FARS2: variants seen among roughly 807,000 people sequenced by gnomAD.
FARS2 encodes phenylalanyl-tRNA synthetase 2, mitochondrial.
A neutral mutation model predicts 46.4 loss-of-function variants in FARS2; 40 were observed. That is an observed-to-expected ratio of 0.86 (90% CI 0.67 to 1.12). The LOEUF (loss-of-function observed/expected upper bound fraction) is 1.12. Among genes scored for constraint, FARS2 ranks in the 50% most tolerant of loss-of-function variants. FARS2 has a pLI of 0.00. For synonymous variants in FARS2, 234 were observed against 214.9 expected (o/e 1.09, Z -0.78); for missense variants, 513 against 567.9 (o/e 0.90, Z 0.98).
At chr6:5,608,311 A>G (rs1442164076) in intron 5 of FARS2, among the ~76,000 whole-genome samples, 2 of 152,166 alleles carry the variant, frequency 1.3e-5, no homozygotes, top group Admixed American at 6.5e-5. Flanking sequence ...ATTTCTATTC[A>G]TTAGGTTCAT....
chr6:5,344,514 T>A (rs760292358), intron 1 of FARS2, among the ~76,000 whole-genome samples: 1 of 152,014 alleles, frequency 6.6e-6, no homozygotes, highest in Non-Finnish European at 1.5e-5. Context: ...TGACCTTGAG[T>A]GGTTTAGGGA....
chr6:5,728,905 T>C (rs1760444744), intron 6 of FARS2, among the ~76,000 whole-genome samples: 2 of 152,154 alleles, frequency 1.3e-5, no homozygotes, highest in Admixed American at 6.5e-5. Flanking sequence ...CTCACCACTG[T>C]CCCTTCACTG....
At chr6:5,510,462 G>A (rs930898560) in intron 4 of FARS2, among the ~76,000 whole-genome samples, 6 of 152,292 alleles carry the variant, frequency 3.9e-5, no homozygotes, top group Non-Finnish European at 7.4e-5. Flanking sequence ...CGTGAGTTCC[G>A]CCGCAGCCTG....
In FARS2 at chr6:5,517,775, A is replaced by G. The variant is rs1210724402; in HGVS notation, c.905-27405A>G. ...TATATAATATTAGGTAAAATGAAAT[A>G]TATTAATAAAATCAACTTTGCCTGT... On this transcript the variant is annotated intron_variant, in intron 4 of 6. Coordinates refer to ENST00000274680, the MANE Select transcript of FARS2 (RefSeq NM_006567.5). Among the ~76,000 whole-genome samples, 6 of 152,226 alleles carry G rather than the reference A, an allele frequency of 3.9e-5. No homozygotes were observed. In the South Asian group the frequency reaches 8.3e-4, roughly 21 times the overall value.
intron 6 of FARS2, among the ~76,000 whole-genome samples, chr6:5,717,059 G>A (rs760190838): frequency 7.2e-5 from 11 of 152,174 alleles, no homozygotes; most frequent in Non-Finnish European, 1.5e-4. Flanking sequence ...ATTCTTCTTC[G>A]TCTCTCTGTG....
chr6:5,435,397 A>G (rs939148284), intron 4 of FARS2, among the ~76,000 whole-genome samples: 6 of 152,260 alleles, frequency 3.9e-5, no homozygotes, highest in African/African-American at 1.4e-4. Context: ...CAGTGAAGAC[A>G]TTTTATTACA....
At chr6:5,288,916 A>G (rs1561934406) in intron 1 of FARS2, among the ~76,000 whole-genome samples, 1 of 152,144 alleles carries the variant, frequency 6.6e-6, no homozygotes, top group Non-Finnish European at 1.5e-5. Context: ...GGCTGTTGTA[A>G]ACATATATAG....
At chr6:5,300,061 T>C (rs142077394) in intron 1 of FARS2, among the ~76,000 whole-genome samples, 318 of 152,342 alleles carry the variant, frequency 2.1e-3, no homozygotes, top group Admixed American at 0.014. Context: ...TTTCATTTTT[T>C]GTTTTTTATT....
chr6:5,284,708 AC>A (rs1417225032), intron 1 of FARS2, among the ~76,000 whole-genome samples: 1 of 152,084 alleles, frequency 6.6e-6, no homozygotes, highest in Non-Finnish European at 1.5e-5. Flanking sequence ...GGCATTTCAC[AC>A]CCTGACTAGT....
chr6:5,315,305 A>G (rs1769386513), intron 1 of FARS2, among the ~76,000 whole-genome samples: 1 of 152,166 alleles, frequency 6.6e-6, no homozygotes, highest in Non-Finnish European at 1.5e-5. Context: ...TTATGTCTAC[A>G]CTGTCTAGCC....
In FARS2 at chr6:5,410,149, G is replaced by GTTTTTTTTTTT. The variant is rs1171325752; in HGVS notation, c.772+5455_772+5456insTTTTTTTTTTT. 2.2e-4 allele frequency among the ~76,000 whole-genome samples: 26 copies of GTTTTTTTTTTT among 120,574 alleles called. 1 individual carries two copies. The highest frequency in any genetic ancestry group is 2.7e-4 in the Non-Finnish European group (16 of 60,202). The allele number at this position is 120,574 out of a possible 152,430, so 79.1% of individuals were successfully genotyped here. A position where few individuals can be genotyped will look rare whatever the true frequency, so the allele number is the denominator to read the frequency against. On this transcript the variant is annotated intron_variant, in intron 3 of 6. Coordinates refer to ENST00000274680, the MANE Select transcript of FARS2 (RefSeq NM_006567.5). ...AGAAAAGTGCTTTGTTCGTTTTTGT[G>GTTTTTTTTTTT]TTTTTTTGTTTTTTTTTTTTTTGAG...
intron 1 of FARS2, among the ~76,000 whole-genome samples, chr6:5,318,284 G>A (rs911124762): frequency 2.6e-5 from 4 of 151,662 alleles, no homozygotes; most frequent in Admixed American, 6.6e-5. Flanking sequence ...GCTTGAACCC[G>A]GGAGGTGGAG....
intron 5 of FARS2, among the ~76,000 whole-genome samples, chr6:5,560,855 G>T (rs1238894263): frequency 6.6e-6 from 1 of 152,146 alleles, no homozygotes; most frequent in East Asian, 1.9e-4. Flanking sequence ...ACAGCTGGGC[G>T]CTGTGGCTCA....
intron 4 of FARS2, chr6:5,466,519 T>C (rs1025519866): frequency 5.5e-5 from 54 of 984,270 alleles, no homozygotes; most frequent in Non-Finnish European, 6.2e-5. Flanking sequence ...AAATATGTTG[T>C]ATACCTCATT....
intron 5 of FARS2, among the ~76,000 whole-genome samples, chr6:5,603,583 T>G (rs1561745266): frequency 6.6e-6 from 1 of 152,204 alleles, no homozygotes; most frequent in Admixed American, 6.5e-5. Flanking sequence ...CTCCTTCACC[T>G]CCAGTGGTTT....
rs926825651 is a variant in FARS2, at chr6:5,311,521, A to G, written c.-22+49861A>G. On this transcript the variant is annotated intron_variant, in intron 1 of 6. Coordinates refer to ENST00000274680, the MANE Select transcript of FARS2 (RefSeq NM_006567.5). The surrounding 1 kb of genome is among the most constrained non-coding windows in gnomAD (Gnocchi z 4.1). ...CCTCTTTTTACTTCTGTGTATTAAA[A>G]CATGCATACACCTGCACGACCCTAA... is the stretch of plus-strand genomic sequence containing the variant. Among the ~76,000 whole-genome samples the G allele has an allele frequency of 2.0e-5, 3 of 152,210 alleles. No homozygotes were observed. Among genetic ancestry groups the G allele is most frequent in the Admixed American group, 2.0e-4 (3 of 15,280 alleles).
At chr6:5,637,767 G>A (rs1776615113) in intron 6 of FARS2, among the ~76,000 whole-genome samples, 2 of 152,166 alleles carry the variant, frequency 1.3e-5, no homozygotes, top group South Asian at 4.1e-4. Flanking sequence ...CTTGTTGGCT[G>A]GTAGATGGTG....
intron 5 of FARS2, among the ~76,000 whole-genome samples, chr6:5,585,163 T>G (rs1773547664): frequency 6.6e-6 from 1 of 152,154 alleles, no homozygotes; most frequent in Admixed American, 6.5e-5. Flanking sequence ...ATTTTGCTGG[T>G]TTTTATTTTA....
chr6:5,594,517 C>T (rs1366728176), intron 5 of FARS2, among the ~76,000 whole-genome samples: 1 of 152,108 alleles, frequency 6.6e-6, no homozygotes, highest in East Asian at 1.9e-4. Flanking sequence ...AGAATTTAAA[C>T]TAAAGAAATG....
Sources: gnomAD v4.1 joint callset for allele counts (sites outside exome capture counted in the v4.1 genomes callset) on GRCh38, gnomAD v4.1.1 for gene constraint, Gnocchi (gnomAD v3.1) non-coding constraint, MANE v1.5 for transcripts, NCBI Gene and HGNC (gene_info 2026-07-23, HGNC 2026-07-21) for gene names.